The following OCIAD2 variants were observed in gnomAD, a reference collection of about 807,000 sequenced individuals.
OCIAD2 encodes the protein OCIA domain containing 2, also known as OCIA domain-containing protein 2.
Under a neutral mutation model 22.9 loss-of-function variants are expected in OCIAD2, and 29 were observed. The ratio of observed to expected loss-of-function variants is 1.27; its 90% CI spans 0.94 to 1.73. The LOEUF (loss-of-function observed/expected upper bound fraction) is 1.73. Among genes scored for constraint, OCIAD2 ranks in the 40% most tolerant of loss-of-function variants. OCIAD2 has a pLI of 0.00. For synonymous variants in OCIAD2, 67 were observed against 60.2 expected (o/e 1.11, Z -0.52); for missense variants, 189 against 180.3 (o/e 1.05, Z -0.28).
intron 3 of OCIAD2, among the ~76,000 whole-genome samples, chr4:48,898,720 G>A (rs1781354062): frequency 2.0e-5 from 3 of 152,118 alleles, no homozygotes; most frequent in African/African-American, 7.2e-5. Context: ...AAGATTACAA[G>A]ATGACTATGT....
At chr4:48,901,221 T>G (rs1781408269) in intron 2 of OCIAD2, among the ~76,000 whole-genome samples, 1 of 152,108 alleles carries the variant, frequency 6.6e-6, no homozygotes, top group Admixed American at 6.6e-5. Context: ...TCTAGTCTGC[T>G]GCTTCTAACT....
At chr4:48,896,497 A>G (rs552104885) in intron 4 of OCIAD2, among the ~76,000 whole-genome samples, 1 of 152,166 alleles carries the variant, frequency 6.6e-6, no homozygotes, top group South Asian at 2.1e-4. Context: ...GGAAGCTGAG[A>G]TGGGAGCGTC....
intron 6 of OCIAD2, among the ~76,000 whole-genome samples, chr4:48,887,250 T>A (rs1232004861): frequency 6.6e-6 from 1 of 152,234 alleles, no homozygotes; most frequent in African/African-American, 2.4e-5. Flanking sequence ...CTTTGTCAGA[T>A]GAGTAGGTTG....
chr4:48,892,917 T>C, intron 5 of OCIAD2, 28 bp from the exon 6 acceptor site: 2 of 1,153,460 alleles, frequency 1.7e-6, no homozygotes, highest in Non-Finnish European at 2.5e-6. Flanking sequence ...GAGAGATTAG[T>C]TGAGAATCTT....
chr4:48,886,600 T>C (rs1437891963), intron 6 of OCIAD2, among the ~76,000 whole-genome samples: 19 of 151,836 alleles, frequency 1.3e-4, no homozygotes, highest in Admixed American at 1.1e-3. Flanking sequence ...GTTTGGTTTC[T>C]TGTCCTTGCA....
intron 6 of OCIAD2, 120 bp from the exon 7 acceptor site, chr4:48,885,685 T>C: frequency 1.6e-6 from 1 of 622,978 alleles, no homozygotes; most frequent in Non-Finnish European, 2.8e-6. Flanking sequence ...GTGGGGGGAG[T>C]CTATCTATGT....
At chr4:48,896,100 G>A (rs1560459484) in intron 4 of OCIAD2, among the ~76,000 whole-genome samples, 1 of 152,130 alleles carries the variant, frequency 6.6e-6, no homozygotes, top group African/African-American at 2.4e-5. Context: ...ATATTTTTAT[G>A]TGTCAAAAAT....
intron 2 of OCIAD2, among the ~76,000 whole-genome samples, chr4:48,902,938 G>T (rs554917481): frequency 6.6e-6 from 1 of 152,146 alleles, no homozygotes; most frequent in Non-Finnish European, 1.5e-5. Flanking sequence ...GGATGACAGA[G>T]TGAGACTCCA....
chr4:48,902,514 G>A (rs1447326720), intron 2 of OCIAD2, among the ~76,000 whole-genome samples: 1 of 152,222 alleles, frequency 6.6e-6, no homozygotes, highest in African/African-American at 2.4e-5. Flanking sequence ...AGCAGGAGAA[G>A]GAGTTGCTCT....
chr4:48,887,551 C>T (rs1179067832), intron 6 of OCIAD2, among the ~76,000 whole-genome samples: 1 of 152,214 alleles, frequency 6.6e-6, no homozygotes, highest in Non-Finnish European at 1.5e-5. Context: ...CAGCTTTCTA[C>T]ATATGGCTAG....
chr4:48,899,940 A>G lies in OCIAD2; in HGVS notation c.67-15T>C, dbSNP rs1243185074. The G allele has an allele frequency of 1.9e-6, 3 of 1,594,122 alleles. No homozygotes were observed. In the African/African-American group the frequency reaches 4.0e-5, roughly 21 times the overall value. On this transcript the variant is annotated splice_polypyrimidine_tract_variant and intron_variant, in intron 2 of 6. Transcript: ENST00000508632. ...AACAACAGGCTCTGTAAGGAAAGTT[A>G]TATGGTGAGCTAACTGAGGTCATTG...
At chr4:48,888,833 A>ATGTTGTTG in intron 6 of OCIAD2, among the ~76,000 whole-genome samples, 1 of 152,312 alleles carries the variant, frequency 6.6e-6, no homozygotes, top group Non-Finnish European at 1.5e-5. Flanking sequence ...CTTTGGTATC[A>ATGTTGTTG]AGATGATGTT....
intron 6 of OCIAD2, 58 bp from the exon 7 acceptor site, chr4:48,885,623 T>A (rs1216068853): frequency 2.4e-6 from 2 of 839,004 alleles, no homozygotes; most frequent in East Asian, 4.8e-5. Context: ...AGCCCTAGTC[T>A]TTACATAACA....
Position 48,885,680 on chromosome 4 carries a change from G to A in OCIAD2, c.384-115C>T. On this transcript the variant is annotated intron_variant, in intron 6 of 6. Coordinates refer to ENST00000508632, the MANE Select transcript of OCIAD2 (RefSeq NM_001014446.3). ...ATAATCTTTTTAATAGAGATGTGGG[G>A]GGAGTCTATCTATGTTGCCCAGGCT... 4.7e-6 allele frequency: 3 copies of A among 642,418 alleles called. 1 individual carries two copies. The South Asian group carries it at 6.6e-5, about 14-fold the overall frequency. 39.8% of individuals were successfully genotyped at this position (642,418 alleles called of 1,614,324 possible).
chr4:48,906,287 G>A (rs529270043), intron 1 of OCIAD2, among the ~76,000 whole-genome samples: 64 of 152,268 alleles, frequency 4.2e-4, no homozygotes, highest in African/African-American at 1.5e-3. Flanking sequence ...GTGGGTTCGT[G>A]GGTGCTGACC....
chr4:48,898,613 T>C (rs1193223542), intron 3 of OCIAD2, among the ~76,000 whole-genome samples: 1 of 152,206 alleles, frequency 6.6e-6, no homozygotes, highest in Non-Finnish European at 1.5e-5. Context: ...TTACACATAC[T>C]CTCCTATGTG....
intron 6 of OCIAD2, among the ~76,000 whole-genome samples, chr4:48,892,393 C>T (rs1781197050): frequency 6.6e-6 from 1 of 152,138 alleles, no homozygotes; most frequent in Non-Finnish European, 1.5e-5. Context: ...CCTATTTCCC[C>T]TATTTAGAAT....
At chr4:48,886,952 C>T (rs1781005401) in intron 6 of OCIAD2, among the ~76,000 whole-genome samples, 1 of 152,194 alleles carries the variant, frequency 6.6e-6, no homozygotes, top group Non-Finnish European at 1.5e-5. Context: ...TTTACAGTCC[C>T]ACCAACAGTG....
At chr4:48,890,027 G>A (rs549746322) in intron 6 of OCIAD2, among the ~76,000 whole-genome samples, 2 of 148,322 alleles carry the variant, frequency 1.3e-5, no homozygotes, top group Non-Finnish European at 3.0e-5. Context: ...AACACCGCAT[G>A]TTCTCACTCA....
Sources: allele counts gnomAD v4.1 joint callset (sites outside exome capture counted in the v4.1 genomes callset), GRCh38; gene constraint gnomAD v4.1.1; transcripts MANE v1.5; gene names NCBI Gene and HGNC (gene_info 2026-07-23, HGNC 2026-07-21).